The following LAMA3 variants were observed in gnomAD, a reference collection of about 807,000 sequenced individuals.
The protein encoded by LAMA3 is laminin subunit alpha-3.
Under a neutral mutation model 402.0 loss-of-function variants are expected in LAMA3, and 281 were observed. That is an observed-to-expected ratio of 0.70 (90% CI 0.63 to 0.77). LAMA3 has a LOEUF of 0.77. Among genes scored for constraint, LAMA3 ranks in the 30% least tolerant of loss-of-function variants. The probability of loss-of-function intolerance (pLI) is 0.00; values close to 1 mark genes in which losing one functional copy is unlikely to be tolerated. For synonymous variants in LAMA3, 1,431 were observed against 1,558.4 expected (o/e 0.92, Z 1.93); for missense variants, 3,840 against 4,215.5 (o/e 0.91, Z 2.47).
chr18:23,855,052 C>G (rs1469717354), intron 32 of LAMA3, among the ~76,000 whole-genome samples: 1 of 152,182 alleles, frequency 6.6e-6, no homozygotes, highest in Non-Finnish European at 1.5e-5. Flanking sequence ...ACCACAGGCT[C>G]CTGTCTGCGT....
chr18:23,892,812 A>T (rs1324883493), intron 42 of LAMA3, among the ~76,000 whole-genome samples: 1 of 150,958 alleles, frequency 6.6e-6, no homozygotes, highest in Non-Finnish European at 1.5e-5. Flanking sequence ...CTGAGGCAGG[A>T]GAATCGCTTG....
At chr18:23,921,804 C>A (rs1007091216) in intron 62 of LAMA3, among the ~76,000 whole-genome samples, 2 of 152,138 alleles carry the variant, frequency 1.3e-5, no homozygotes, top group Admixed American at 6.5e-5. Flanking sequence ...TGTGTGTCAC[C>A]GCCATTGTCA....
Position 23,894,296 on chromosome 18 carries a change from A to G in LAMA3, c.5411-2A>G, listed in dbSNP as rs918711356. The stretch of plus-strand genomic sequence containing the variant: ...TCTTCTTTGGTTATTTTCTGATTTT[A>G]GACTGCATAAACCAAGAACCCAAAG... On this transcript the variant is annotated splice_acceptor_variant, in intron 42 of 74. Coordinates refer to ENST00000313654, the MANE Select transcript of LAMA3 (RefSeq NM_198129.4). LOFTEE classifies it high-confidence loss of function. 1.2e-6 allele frequency: 2 copies of G among 1,610,036 alleles called. No homozygotes were observed. The highest frequency in any genetic ancestry group is 2.7e-5 in the African/African-American group (2 of 74,852).
intron 66 of LAMA3, 127 bp downstream of exon 66, chr18:23,932,418 T>G (rs1442440489): frequency 9.5e-7 from 1 of 1,055,320 alleles, no homozygotes; most frequent in Non-Finnish European, 1.4e-6. Context: ...TACCACAGTC[T>G]TTCAAAATGC....
chr18:23,879,286 CT>C lies in LAMA3; in HGVS notation c.5113-2647del, dbSNP rs2064822651. Among the ~76,000 whole-genome samples the C allele has an allele frequency of 6.6e-6, 1 of 152,186 alleles. No individual in the cohort carries two copies. The highest frequency in any genetic ancestry group is 2.4e-5 in the African/African-American group (1 of 41,438). On this transcript the variant is annotated intron_variant, in intron 39 of 74. Transcript: ENST00000313654. This position sits in a 1 kb window ranked among gnomAD's most constrained non-coding sequence, Gnocchi z 4.2. Reference sequence around the variant, plus strand: ...CTTGCACTTCTGCCTTGGGCACGCCCTTTGCTTTTCATTCCCTCCACACACT... The same window carrying C: ...CTTGCACTTCTGCCTTGGGCACGCCCTTGCTTTTCATTCCCTCCACACACT...
intron 65 of LAMA3, chr18:23,931,504 A>C (rs1341464734): frequency 1.1e-5 from 3 of 261,886 alleles, no homozygotes; most frequent in Admixed American, 4.9e-5. Flanking sequence ...GAAAACTAAA[A>C]TAAAATAAAA....
In LAMA3 at chr18:23,829,924, G is replaced by A. The variant is rs527394977; in HGVS notation, c.2823+2457G>A. ...AATCCATAACCCAGGAGGCAGATTGGAAGCAATTTTTAGCTTCTTTTTAAA... is the reference window on the plus strand; with the variant it reads ...AATCCATAACCCAGGAGGCAGATTGAAAGCAATTTTTAGCTTCTTTTTAAA... On this transcript the variant is annotated intron_variant, in intron 23 of 74. Transcript: ENST00000313654. Among the ~76,000 whole-genome samples, 16 of 152,256 alleles carry A rather than the reference G, an allele frequency of 1.1e-4. No homozygotes were observed. In the East Asian group the frequency reaches 1.5e-3, roughly 15 times the overall value.
At chr18:23,775,996 G>T in intron 10 of LAMA3, 73 bp downstream of exon 10, 2 of 1,518,272 alleles carry the variant, frequency 1.3e-6, no homozygotes, top group Admixed American at 1.7e-5. Flanking sequence ...AACCTCTGAG[G>T]CATGGTGGAC....
chr18:23,811,089 A>T (rs2063060572), intron 13 of LAMA3, among the ~76,000 whole-genome samples: 1 of 152,086 alleles, frequency 6.6e-6, no homozygotes, highest in Non-Finnish European at 1.5e-5. Context: ...GAGTGCACTG[A>T]GGGGGAGATG....
chr18:23,914,648 A>G, intron 57 of LAMA3, 50 bp from the exon 58 acceptor site: 1 of 1,598,502 alleles, frequency 6.3e-7, no homozygotes, highest in Non-Finnish European at 8.5e-7. Context: ...TTGGCTTTGA[A>G]TTCTTCAAAT....
chr18:23,899,359 T>G lies in LAMA3; in HGVS notation c.5908T>G (p.Trp1970Gly). The change falls in exon 47 of 75, where the codon TGG (tryptophan) becomes GGG (glycine). Residue 1970 changes from tryptophan (W) to glycine (G), a missense_variant. By Grantham distance (184) the Trp-to-Gly change is radical. This residue lies in a region of LAMA3 where 891 missense variants were observed against 857.5 expected (regional missense o/e 1.04). Transcript: ENST00000313654. ...NVPSGDFSRE[W>G]AEAQRMMREL... ...GCCTTCAGGTGACTTTTCCAGAGAG[T>G]GGGCTGAAGCCCAGCGCATGATGAG... is the stretch of plus-strand genomic sequence containing the variant. 6.2e-7 allele frequency: 1 copy of G among 1,613,900 alleles called. No individual in the cohort carries two copies. Among genetic ancestry groups the G allele is most frequent in the Non-Finnish European group, 8.5e-7 (1 of 1,179,970 alleles).
intron 12 of LAMA3, among the ~76,000 whole-genome samples, chr18:23,809,587 T>C (rs1284373083): frequency 6.6e-6 from 1 of 152,114 alleles, no homozygotes; most frequent in Non-Finnish European, 1.5e-5. Context: ...TCTAGTCTCA[T>C]AGAGACTAGT....
Position 23,858,719 on chromosome 18 carries a change from T to A in LAMA3, c.4312T>A (p.Cys1438Ser). 6.2e-7 allele frequency: 1 copy of A among 1,614,166 alleles called. No homozygotes were observed. Among genetic ancestry groups the A allele is most frequent in the Non-Finnish European group, 8.5e-7 (1 of 1,180,002 alleles). Residue 1438 changes from cysteine (C) to serine (S), a missense_variant, in exon 34 of 75, where the codon TGT becomes AGT. Cys to Ser is a moderately radical substitution (Grantham distance 112, BLOSUM62 -1). Coordinates refer to ENST00000313654, the MANE Select transcript of LAMA3 (RefSeq NM_198129.4). ...ENVEGTECNVCREGSFHLDPA... is the reference protein window; with the variant it reads ...ENVEGTECNVSREGSFHLDPA... ...TGTAGAAGGCACAGAGTGTAATGTGTGTCGAGAAGGCTCATTCCATTTGGA... is the reference window on the plus strand; with the variant it reads ...TGTAGAAGGCACAGAGTGTAATGTGAGTCGAGAAGGCTCATTCCATTTGGA...
chr18:23,871,390 C>T, intron 37 of LAMA3, 41 bp from the exon 38 acceptor site: 1 of 1,564,360 alleles, frequency 6.4e-7, no homozygotes, highest in Non-Finnish European at 8.8e-7. Flanking sequence ...TGGAAGTGAG[C>T]CTGCCTAAGG....
At chr18:23,714,125 A>T in intron 2 of LAMA3, 53 bp downstream of exon 2, 1 of 1,506,922 alleles carries the variant, frequency 6.6e-7, no homozygotes. Flanking sequence ...CACTGTTTCT[A>T]TGGGGATTTC....
At chr18:23,948,974 C>T (rs144885373) in intron 70 of LAMA3, among the ~76,000 whole-genome samples, 3 of 152,314 alleles carry the variant, frequency 2.0e-5, no homozygotes, top group East Asian at 3.9e-4. Flanking sequence ...GAGTTTTATT[C>T]GGTGAATCTC....
intron 7 of LAMA3, among the ~76,000 whole-genome samples, chr18:23,762,158 G>C (rs1258315134): frequency 6.6e-6 from 1 of 152,112 alleles, no homozygotes; most frequent in Non-Finnish European, 1.5e-5. Flanking sequence ...TGAGACTGTG[G>C]TGAGCCGTGA....
At chr18:23,784,951 G>A (rs1267952571) in intron 12 of LAMA3, among the ~76,000 whole-genome samples, 1 of 152,188 alleles carries the variant, frequency 6.6e-6, no homozygotes, top group African/African-American at 2.4e-5. Context: ...TTTATTATAG[G>A]TAATTAGGTG....
At position 23,931,116 on chromosome 18, in the gene LAMA3, G is replaced by T. The variant is rs758227162; in HGVS notation, c.8491G>T (p.Asp2831Tyr). 16 of 1,613,104 alleles carry T rather than the reference G, an allele frequency of 9.9e-6. No homozygotes were observed. Among genetic ancestry groups the T allele is most frequent in the Middle Eastern group, 1.6e-4 (1 of 6,082 alleles). ...TGGTTACATTGAATTGAGCACCAGC[G>T]ATAGCGGCGGCCCAATTTTTAAATC... Reference protein sequence around the residue: ...EDGYIELSTSDSGGPIFKSPQ... With the variant: ...EDGYIELSTSYSGGPIFKSPQ... Residue 2831 changes from aspartate to tyrosine, a missense_variant, in exon 65 of 75, where the codon GAT (aspartate) becomes TAT (tyrosine). Transcript: ENST00000313654.
Sources: allele counts gnomAD v4.1 joint callset (sites outside exome capture counted in the v4.1 genomes callset), GRCh38; gene constraint gnomAD v4.1.1; regional missense constraint gnomAD v4.1.1; non-coding constraint Gnocchi (gnomAD v3.1); transcripts MANE v1.5; gene names NCBI Gene and HGNC (gene_info 2026-07-23, HGNC 2026-07-21).